ST6GAL2: variants seen among roughly 807,000 people sequenced by gnomAD.
The protein encoded by ST6GAL2 is ST6 beta-galactoside alpha-2,6-sialyltransferase 2.
Under a neutral mutation model 37.5 loss-of-function variants are expected in ST6GAL2, and 24 were observed. The observed-to-expected ratio is 0.64, with a 90% CI of 0.46 to 0.90. ST6GAL2 has a LOEUF of 0.90. Ranked by LOEUF, ST6GAL2 falls within the 40% of genes least tolerant of loss-of-function variation. ST6GAL2 has a pLI of 0.00. For missense variants in ST6GAL2, 715 were observed against 712.7 expected, an observed-to-expected ratio of 1.00 and a Z score of -0.04; for synonymous variants, 306 against 295.1, an observed-to-expected ratio of 1.04 and a Z score of -0.38.
At chr2:106,860,753 G>C (rs1487479541) in intron 1 of ST6GAL2, among the ~76,000 whole-genome samples, 1 of 152,130 alleles carries the variant, frequency 6.6e-6, no homozygotes, top group Non-Finnish European at 1.5e-5. Context: ...TGAATAAGGT[G>C]CAATGGGCTT....
rs556615553 is a variant in ST6GAL2 at position 106,814,487 on chromosome 2, G to A, written c.1319-7538C>T. Among the ~76,000 whole-genome samples, 53 of 125,822 alleles carry A rather than the reference G, an allele frequency of 4.2e-4. No individual in the cohort carries two copies. In the East Asian group the frequency reaches 0.01, roughly 25 times the overall value. The allele number at this position is 125,822 out of a possible 152,430, so 82.5% of individuals were successfully genotyped here. A position where few individuals can be genotyped will look rare whatever the true frequency, so the allele number is the denominator to read the frequency against. ...TTACAATATTACGAGTAGTGTTTGC[G>A]TTCAAAAAAAAAAAAAAGGCAAGGT... is the stretch of plus-strand genomic sequence containing the variant. On this transcript the variant is annotated intron_variant, in intron 5 of 5. Coordinates refer to ENST00000409382, the MANE Select transcript of ST6GAL2 (RefSeq NM_001142351.2).
chr2:106,827,205 C>A (rs939422986), intron 5 of ST6GAL2, among the ~76,000 whole-genome samples: 5 of 151,996 alleles, frequency 3.3e-5, no homozygotes, highest in South Asian at 2.1e-4. Context: ...AGAAAAAAAA[C>A]CAGTCATTGA....
At chr2:106,867,415 T>C (rs911629662) in intron 1 of ST6GAL2, among the ~76,000 whole-genome samples, 1 of 152,226 alleles carries the variant, frequency 6.6e-6, no homozygotes, top group African/African-American at 2.4e-5. Context: ...CCCCTTTCTC[T>C]GAATCATTTC....
chr2:106,851,069 T>C (rs986651857), intron 1 of ST6GAL2, among the ~76,000 whole-genome samples: 1 of 152,228 alleles, frequency 6.6e-6, no homozygotes, highest in African/African-American at 2.4e-5. Flanking sequence ...ATTATACTCA[T>C]ACTGGATTGG....
chr2:106,818,628 C>G (rs1675892353), intron 5 of ST6GAL2, among the ~76,000 whole-genome samples: 1 of 152,082 alleles, frequency 6.6e-6, no homozygotes, highest in Non-Finnish European at 1.5e-5. Flanking sequence ...TAGATACAAA[C>G]AAGCCCAGAC....
chr2:106,878,595 T>C (rs146461118), intron 1 of ST6GAL2, among the ~76,000 whole-genome samples: 1 of 152,154 alleles, frequency 6.6e-6, no homozygotes, highest in East Asian at 1.9e-4. Context: ...GACCCCTATC[T>C]CTCAAATAGA....
chr2:106,822,789 G>A (rs1353183857), intron 5 of ST6GAL2: 1 of 151,932 alleles, frequency 6.6e-6, no homozygotes, highest in Non-Finnish European at 1.5e-5. Flanking sequence ...AAGTAATTGT[G>A]GTTTTTGCCA....
chr2:106,830,332 A>C, intron 4 of ST6GAL2, 92 bp from the exon 5 acceptor site: 1 of 1,013,948 alleles, frequency 9.9e-7, no homozygotes, highest in Non-Finnish European at 1.5e-6. Flanking sequence ...CAGAGGGGCC[A>C]GGCTGGGGCT....
rs1390823193 is a variant in ST6GAL2, at chr2:106,843,284, T to A, written c.694A>T (p.Asn232Tyr). ...CCGCGGAAGCGCACCCCGTGCTTGT[T>A]GGCGGTCAGGTAATCCTTCATCGCC... ...QKAMKDYLTA[N>Y]KHGVRFRGKR... Residue 232 changes from asparagine to tyrosine, a missense_variant, in exon 2 of 6, where the codon AAC (asparagine) becomes TAC (tyrosine). By Grantham distance (143) the Asn-to-Tyr change is moderately radical. Coordinates refer to ENST00000409382, the MANE Select transcript of ST6GAL2 (RefSeq NM_001142351.2). The A allele has an allele frequency of 6.2e-7, 1 of 1,611,444 alleles. No homozygotes were observed.
At position 106,818,085 on chromosome 2, in the gene ST6GAL2, C is replaced by T. The variant is rs76964551; in HGVS notation, c.1319-11136G>A. On this transcript the variant is annotated intron_variant, in intron 5 of 5. Transcript: ENST00000409382. ...AATACCAGGTAGAATCCTAAGTTTC[C>T]GACTCTAGGCCCTGGCTCCCAGATG... 5.1e-3 allele frequency among the ~76,000 whole-genome samples: 783 copies of T among 152,218 alleles called. 8 individuals carry two copies. The highest frequency in any genetic ancestry group is 0.018 in the African/African-American group (729 of 41,548).
At chr2:106,842,958 G>A in intron 2 of ST6GAL2, 77 bp downstream of exon 2, 1 of 1,118,450 alleles carries the variant, frequency 8.9e-7, no homozygotes, top group Non-Finnish European at 1.2e-6. Flanking sequence ...AGATCCAGAG[G>A]CGCGCTCAGA....
In ST6GAL2 at chr2:106,843,787, G is replaced by T; in HGVS notation, c.191C>A (p.Ala64Asp). 6.2e-7 allele frequency: 1 copy of T among 1,610,644 alleles called. No homozygotes were observed. The highest frequency in any genetic ancestry group is 8.5e-7 in the Non-Finnish European group (1 of 1,178,322). ...VQGKQRAIMG[A>D]AHEPSPPGGL... ...CCCAGGCGGGGAGGGCTCATGTGCG[G>T]CGCCCATGATGGCCCGCTGCTTCCC... The change falls in exon 2 of 6, where the codon GCC (alanine) becomes GAC (aspartate). Residue 64 changes from alanine to aspartate, a missense_variant. Ala to Asp is a moderately radical substitution (Grantham distance 126). Coordinates refer to ENST00000409382, the MANE Select transcript of ST6GAL2 (RefSeq NM_001142351.2).
intron 1 of ST6GAL2, among the ~76,000 whole-genome samples, chr2:106,847,819 G>A (rs1677202457): frequency 6.6e-6 from 1 of 152,068 alleles, no homozygotes; most frequent in Middle Eastern, 3.2e-3. Context: ...TTTCCCTGTG[G>A]AATCTGAGTG....
chr2:106,866,223 T>G (rs1279516774), intron 1 of ST6GAL2, among the ~76,000 whole-genome samples: 1 of 152,252 alleles, frequency 6.6e-6, no homozygotes, highest in Non-Finnish European at 1.5e-5. Flanking sequence ...GCTGGCTTGC[T>G]GGGCATGTGA....
At chr2:106,866,502 CA>C (rs1328291764) in intron 1 of ST6GAL2, among the ~76,000 whole-genome samples, 5 of 152,214 alleles carry the variant, frequency 3.3e-5, no homozygotes, top group Non-Finnish European at 7.3e-5. Flanking sequence ...CTTGGGAGTT[CA>C]GCAGGACTCA....
chr2:106,840,594 TAC>T (rs1676836732), intron 2 of ST6GAL2, among the ~76,000 whole-genome samples: 1 of 152,264 alleles, frequency 6.6e-6, no homozygotes, highest in Non-Finnish European at 1.5e-5. Context: ...GTTGTGATTC[TAC>T]AGTTCTAATC....
Position 106,803,453 on chromosome 2 carries a change from T to G in ST6GAL2, c.*3225A>C, listed in dbSNP as rs576505383. ...TAAGAGCAGCTCTATAAGGACATAGTGAGAAAGGTCAGCTCCCTGGGACGA... is the reference window on the plus strand; with the variant it reads ...TAAGAGCAGCTCTATAAGGACATAGGGAGAAAGGTCAGCTCCCTGGGACGA... On this transcript the variant is annotated 3_prime_UTR_variant, in exon 6 of 6. Transcript: ENST00000409382. 3.3e-5 allele frequency: 5 copies of G among 152,214 alleles called. No individual in the cohort carries two copies. Among genetic ancestry groups the G allele is most frequent in the African/African-American group, 1.2e-4 (5 of 41,544 alleles). The allele number at this position is 152,214 out of a possible 1,614,324, so 9.4% of individuals were successfully genotyped here.
intron 1 of ST6GAL2, among the ~76,000 whole-genome samples, chr2:106,868,198 C>T (rs1003794931): frequency 3.3e-5 from 5 of 152,242 alleles, no homozygotes; most frequent in Admixed American, 2.0e-4. Context: ...AGATCATTTA[C>T]GCTCACTTTA....
intron 1 of ST6GAL2, among the ~76,000 whole-genome samples, chr2:106,869,201 G>A (rs1678159812): frequency 6.6e-6 from 1 of 152,222 alleles, no homozygotes; most frequent in Admixed American, 6.5e-5. Context: ...GCCTGGAAGG[G>A]AGCTGCAGAC....
Sources: allele counts gnomAD v4.1 joint callset (sites outside exome capture counted in the v4.1 genomes callset), GRCh38; gene constraint gnomAD v4.1.1; transcripts MANE v1.5; gene names NCBI Gene and HGNC (gene_info 2026-07-23, HGNC 2026-07-21).